PLCB1: variants seen among roughly 807,000 people sequenced by gnomAD.
The protein encoded by PLCB1 is 1-phosphatidylinositol 4,5-bisphosphate phosphodiesterase beta-1.
In PLCB1, 46 loss-of-function variants were observed where a neutral mutation model predicts 161.8. The ratio of observed to expected loss-of-function variants is 0.28; its 90% confidence interval spans 0.22 to 0.36. The LOEUF is 0.36. Ranked by LOEUF, PLCB1 falls within the 10% of genes least tolerant of loss-of-function variation. The pLI is 1.00. For synonymous variants in PLCB1, 517 were observed against 503.7 expected (o/e 1.03, Z -0.35); for missense variants, 1,016 against 1,472.5 (o/e 0.69, Z 5.07).
At chr20:8,745,956 G>A (rs6108186) in intron 23 of PLCB1, among the ~76,000 whole-genome samples, 35,918 of 152,074 alleles carry the variant, frequency 0.24, 4,960 homozygotes, top group Non-Finnish European at 0.32. Context: ...TTTTGAGACA[G>A]AGTCTCGCTC....
At chr20:8,763,123 G>A (rs1031405853) in intron 25 of PLCB1, among the ~76,000 whole-genome samples, 1 of 152,168 alleles carries the variant, frequency 6.6e-6, no homozygotes, top group Non-Finnish European at 1.5e-5. Context: ...ACCATAAGAT[G>A]CATCTTGATT....
intron 2 of PLCB1, among the ~76,000 whole-genome samples, chr20:8,240,744 T>A (rs964253807): frequency 1.2e-4 from 19 of 152,024 alleles, no homozygotes; most frequent in Admixed American, 1.1e-3. Flanking sequence ...GCTTGCCAGA[T>A]AGCATAACAA....
chr20:8,146,787 ATCT>A (rs1400463464), intron 1 of PLCB1, among the ~76,000 whole-genome samples: 1 of 152,204 alleles, frequency 6.6e-6, no homozygotes, highest in African/African-American at 2.4e-5. Context: ...ACTAAATAAC[ATCT>A]TCTTAATTAC....
intron 16 of PLCB1, among the ~76,000 whole-genome samples, chr20:8,724,954 G>A (rs999528226): frequency 2.0e-5 from 3 of 152,056 alleles, no homozygotes; most frequent in African/African-American, 7.2e-5. Context: ...ATAACCATAT[G>A]AGAAAGTATT....
At chr20:8,318,455 C>G (rs2745771) in intron 2 of PLCB1, among the ~76,000 whole-genome samples, 2 of 151,042 alleles carry the variant, frequency 1.3e-5, no homozygotes, top group South Asian at 2.2e-4. Flanking sequence ...TTGCCCCCCC[C>G]CTTTTTCTTT....
chr20:8,206,459 C>T (rs930000505), intron 2 of PLCB1, among the ~76,000 whole-genome samples: 1 of 152,060 alleles, frequency 6.6e-6, no homozygotes, highest in Non-Finnish European at 1.5e-5. Flanking sequence ...GCATTGTTAT[C>T]GTTGCTACCT....
At chr20:8,491,619 T>TACTG (rs1982950574) in intron 3 of PLCB1, among the ~76,000 whole-genome samples, 1 of 152,160 alleles carries the variant, frequency 6.6e-6, no homozygotes, top group Non-Finnish European at 1.5e-5. Context: ...GGGAAGTCAG[T>TACTG]ACTCAAGTGA....
At chr20:8,257,593 G>A (rs1411801257) in intron 2 of PLCB1, among the ~76,000 whole-genome samples, 2 of 152,110 alleles carry the variant, frequency 1.3e-5, no homozygotes, top group African/African-American at 4.8e-5. Flanking sequence ...CCTCCCAGTA[G>A]AACAGGGATA....
intron 16 of PLCB1, among the ~76,000 whole-genome samples, chr20:8,726,677 C>G (rs564900661): frequency 7.0e-4 from 106 of 151,114 alleles, no homozygotes; most frequent in African/African-American, 2.5e-3. Flanking sequence ...ACTTGGTAAC[C>G]CCCCCTTGAC....
chr20:8,380,371 C>T (rs1987220448), intron 3 of PLCB1, among the ~76,000 whole-genome samples: 1 of 152,178 alleles, frequency 6.6e-6, no homozygotes, highest in Admixed American at 6.5e-5. Flanking sequence ...AGTTTGAAGT[C>T]AGCTAGTGTG....
At position 8,417,071 on chromosome 20, in the gene PLCB1, ATATTTTTT is replaced by A. The variant is rs1600386840; in HGVS notation, c.246+45623_246+45630del. Among the ~76,000 whole-genome samples, 40 of 51,676 alleles carry A rather than the reference ATATTTTTT, an allele frequency of 7.7e-4. 3 individuals are homozygous for A. The highest frequency in any genetic ancestry group is 7.5e-3 in the East Asian group (15 of 1,998). The allele number at this position is 51,676 out of a possible 152,430, so 33.9% of individuals were successfully genotyped here. A position where few individuals can be genotyped will look rare whatever the true frequency, so the allele number is the denominator to read the frequency against. ...CACACACACATATATATATATATAT[ATATTTTTT>A]TTTTTTTTTTTTTTTTTTTTTTTTT... On this transcript the variant is annotated intron_variant, in intron 3 of 31. Transcript: ENST00000338037.
At chr20:8,774,373 C>G (rs932035737) in intron 26 of PLCB1, among the ~76,000 whole-genome samples, 166 bp from the exon 27 acceptor site, 6 of 152,164 alleles carry the variant, frequency 3.9e-5, no homozygotes, top group African/African-American at 1.4e-4. Flanking sequence ...TGGAGACACT[C>G]TATTGCTAAG....
At chr20:8,280,746 C>A (rs1339208994) in intron 2 of PLCB1, among the ~76,000 whole-genome samples, 1 of 152,152 alleles carries the variant, frequency 6.6e-6, no homozygotes, top group African/African-American at 2.4e-5. Flanking sequence ...TTAATTATTA[C>A]AAATTAAAAG....
intron 31 of PLCB1, among the ~76,000 whole-genome samples, chr20:8,851,496 G>T (rs1268041754): frequency 1.3e-5 from 2 of 152,168 alleles, no homozygotes; most frequent in Admixed American, 1.3e-4. Flanking sequence ...AGTTCGAAGT[G>T]CCTTATCCTG....
At chr20:8,522,738 T>A (rs1473206730) in intron 3 of PLCB1, among the ~76,000 whole-genome samples, 1 of 152,134 alleles carries the variant, frequency 6.6e-6, no homozygotes, top group Non-Finnish European at 1.5e-5. Flanking sequence ...ATATAAGAAG[T>A]TTTAAAACTA....
intron 3 of PLCB1, among the ~76,000 whole-genome samples, chr20:8,523,465 GCTCTCT>G (rs1174973173): frequency 3.5e-4 from 17 of 48,800 alleles, no homozygotes; most frequent in East Asian, 9.6e-4. Context: ...TATATATTTG[GCTCTCT>G]CTCTCTCTCT....
chr20:8,800,001 T>C lies in PLCB1; in HGVS notation c.3423+9740T>C, dbSNP rs148333360. On this transcript the variant is annotated intron_variant, in intron 31 of 31. Coordinates refer to ENST00000338037, the MANE Select transcript of PLCB1 (RefSeq NM_015192.4). ...CTGAATAGTTTTGATCCAAAAGTGG[T>C]TGAATCCACAGATGTGGAACCCATG... is the stretch of plus-strand genomic sequence containing the variant. Among the ~76,000 whole-genome samples the C allele has an allele frequency of 5.1e-3, 776 of 152,272 alleles. 7 individuals are homozygous for C. Among genetic ancestry groups the C allele is most frequent in the Admixed American group, 0.02 (305 of 15,294 alleles).
At chr20:8,872,914 C>T (rs1016168286) in intron 31 of PLCB1, among the ~76,000 whole-genome samples, 1 of 152,168 alleles carries the variant, frequency 6.6e-6, no homozygotes. Flanking sequence ...AGAATCAATT[C>T]TGTTAACTGT....
At chr20:8,148,284 T>C (rs1026274708) in intron 1 of PLCB1, among the ~76,000 whole-genome samples, 8 of 152,232 alleles carry the variant, frequency 5.3e-5, no homozygotes, top group Non-Finnish European at 8.8e-5. Context: ...CTGTTATGCA[T>C]GCAATCTCAT....
Sources: gnomAD v4.1 joint callset for allele counts (sites outside exome capture counted in the v4.1 genomes callset) on GRCh38, gnomAD v4.1.1 for gene constraint, MANE v1.5 for transcripts, NCBI Gene and HGNC (gene_info 2026-07-23, HGNC 2026-07-21) for gene names.